Variants in DNAH8 observed in about 807,000 individuals in gnomAD.
DNAH8 encodes the protein dynein axonemal heavy chain 8, also known as axonemal beta dynein heavy chain 8.
DNAH8 carries 382 observed loss-of-function variants against 562.1 expected under a neutral mutation model. The observed-to-expected ratio is 0.68, with a 90% CI of 0.63 to 0.74. The LOEUF is 0.74. Among genes scored for constraint, DNAH8 ranks in the 30% least tolerant of loss-of-function variants. DNAH8 has a pLI of 0.00. For synonymous variants in DNAH8, 1,881 were observed against 1,919.4 expected (o/e 0.98, Z 0.52); for missense variants, 5,203 against 5,620.4 (o/e 0.93, Z 2.37).
chr6:38,886,007 T>C (rs147799925), intron 56 of DNAH8, among the ~76,000 whole-genome samples: 59 of 152,332 alleles, frequency 3.9e-4, no homozygotes, highest in African/African-American at 1.2e-3. Context: ...CGGTTATATT[T>C]GAGGTGCTTG....
intron 58 of DNAH8, among the ~76,000 whole-genome samples, chr6:38,894,282 C>G (rs1257411687): frequency 1.3e-5 from 2 of 152,186 alleles, no homozygotes; most frequent in Non-Finnish European, 1.5e-5. Context: ...TAAAGGTGAA[C>G]ATTCGTTGTT....
chr6:38,793,509 G>A (rs12527204), intron 21 of DNAH8, among the ~76,000 whole-genome samples: 23,180 of 151,694 alleles, frequency 0.15, 1,986 homozygotes, highest in Admixed American at 0.24. Context: ...TATGACTTTC[G>A]TCCTTTTTGG....
Position 38,935,710 on chromosome 6 carries a change from T to TTCATTACTTCTTAATAACAC in DNAH8, c.11563+13_11563+14insTCATTACTTCTTAATAACAC. On this transcript the variant is annotated intron_variant, in intron 77 of 92. Coordinates refer to ENST00000327475, the MANE Select transcript of DNAH8 (RefSeq NM_001206927.2). ...AGTGCTACAAAAGGTATTGTGTTAT[T>TTCATTACTTCTTAATAACAC]AAGAAGTAATGAAATAACGGATTCT... 1 of 1,552,962 alleles carries TTCATTACTTCTTAATAACAC rather than the reference T, an allele frequency of 6.4e-7. No homozygotes were observed. Among genetic ancestry groups the TTCATTACTTCTTAATAACAC allele is most frequent in the Non-Finnish European group, 8.8e-7 (1 of 1,130,928 alleles).
intron 26 of DNAH8, among the ~76,000 whole-genome samples, chr6:38,821,115 A>C (rs1738214): frequency 0.21 from 31,531 of 151,976 alleles, 4,024 homozygotes; most frequent in African/African-American, 0.35. Flanking sequence ...CACACACACA[A>C]AAAAACCCCA....
At chr6:39,004,826 T>C (rs548206264) in intron 88 of DNAH8, among the ~76,000 whole-genome samples, 18 of 152,334 alleles carry the variant, frequency 1.2e-4, no homozygotes, top group African/African-American at 4.3e-4. Flanking sequence ...TAACATAATG[T>C]TTTTGAAGTT....
intron 1 of DNAH8, among the ~76,000 whole-genome samples, chr6:38,715,954 A>ATTTTTTT (rs1410399802): frequency 1.1e-4 from 4 of 37,520 alleles, no homozygotes; most frequent in East Asian, 6.7e-4. Context: ...ATATATATAT[A>ATTTTTTT]TATATATTTT....
rs1316338331 is a variant in DNAH8 at position 38,921,468 on chromosome 6, G to A, written c.10624G>A (p.Val3542Ile). Residue 3542 changes from valine to isoleucine, a missense_variant, in exon 71 of 93, where the codon GTA becomes ATA. Physicochemically the swap from Val to Ile is conservative, Grantham distance 29. This residue lies in a region of DNAH8 where 1,399 missense variants were observed against 1,518.4 expected (regional missense o/e 0.92). Coordinates refer to ENST00000327475, the MANE Select transcript of DNAH8 (RefSeq NM_001206927.2). ...TGAGAAGCAAGCTGAGCTGGATAAA[G>A]TACAGGCAAAATTTGATGCAGCAAT... is the stretch of plus-strand genomic sequence containing the variant. ...LDEKQAELDK[V>I]QAKFDAAMNE... is the part of the protein sequence containing the mutation. 6.2e-7 allele frequency: 1 copy of A among 1,613,606 alleles called. No individual in the cohort carries two copies. Among genetic ancestry groups the A allele is most frequent in the Non-Finnish European group, 8.5e-7 (1 of 1,179,776 alleles).
At chr6:39,008,224 A>G (rs1167925609) in intron 88 of DNAH8, among the ~76,000 whole-genome samples, 1 of 152,098 alleles carries the variant, frequency 6.6e-6, no homozygotes, top group Non-Finnish European at 1.5e-5. Flanking sequence ...AGTGCCTGGT[A>G]CATGGTAAAT....
rs536433281 is a variant in DNAH8 at position 38,777,881 on chromosome 6, T to G, written c.1963-507T>G. Among the ~76,000 whole-genome samples the G allele has an allele frequency of 5.9e-5, 9 of 152,326 alleles. No homozygotes were observed. In the South Asian group the frequency reaches 1.7e-3, roughly 28 times the overall value. Reference sequence around the variant, plus strand: ...ACACTACTCTACCTGAAGTTCTATATATCCCAAAGAAAAATGCTTGTAAGG... The same window carrying G: ...ACACTACTCTACCTGAAGTTCTATAGATCCCAAAGAAAAATGCTTGTAAGG... On this transcript the variant is annotated intron_variant, in intron 13 of 92. Transcript: ENST00000327475.
chr6:38,929,224 CTT>C (rs1248896623), intron 74 of DNAH8: 10 of 232,774 alleles, frequency 4.3e-5, no homozygotes, highest in Non-Finnish European at 6.6e-5. Flanking sequence ...TGACTATTCT[CTT>C]CCATCTGTCA....
intron 88 of DNAH8, among the ~76,000 whole-genome samples, chr6:39,003,104 T>C (rs780711987): frequency 2.0e-5 from 3 of 152,194 alleles, no homozygotes; most frequent in Non-Finnish European, 4.4e-5. Flanking sequence ...CGCAGCTTTT[T>C]CATAAGCAAA....
At chr6:38,787,005 A>T in intron 18 of DNAH8, 53 bp downstream of exon 18, 1 of 1,182,422 alleles carries the variant, frequency 8.5e-7, no homozygotes, top group African/African-American at 1.9e-5. Flanking sequence ...TTGGTAAAAA[A>T]AATATGTATA....
chr6:38,742,773 C>T lies in DNAH8; in HGVS notation c.1293+886C>T, dbSNP rs868402992. 3.4e-5 allele frequency among the ~76,000 whole-genome samples: 5 copies of T among 145,936 alleles called. No homozygotes were observed. The South Asian group carries it at 1.1e-3, about 32-fold the overall frequency. ...CTGAATAGTAAGCACAGAAAGACAACTGCACTTTTCTATTTTATTTTTTCC... is the reference window on the plus strand; with the variant it reads ...CTGAATAGTAAGCACAGAAAGACAATTGCACTTTTCTATTTTATTTTTTCC... On this transcript the variant is annotated intron_variant, in intron 8 of 92. Coordinates refer to ENST00000327475, the MANE Select transcript of DNAH8 (RefSeq NM_001206927.2).
At chr6:38,948,747 T>C (rs1012744684) in intron 80 of DNAH8, among the ~76,000 whole-genome samples, 1 of 152,222 alleles carries the variant, frequency 6.6e-6, no homozygotes, top group African/African-American at 2.4e-5. Context: ...TTGATGGAAC[T>C]TGGGCGTCAG....
chr6:38,845,583 A>G lies in DNAH8; in HGVS notation c.4855A>G (p.Ile1619Val), dbSNP rs370335048. 7.4e-6 allele frequency: 12 copies of G among 1,613,336 alleles called. No individual in the cohort carries two copies. Among genetic ancestry groups the G allele is most frequent in the African/African-American group, 6.7e-5 (5 of 74,904 alleles). ...TGCTTTTCCTTCAAAGGATATTTGC[A>G]TATCTGCCATTAAGGAGAAGGATAT... ...KHKDDIEDIC[I>V]SAIKEKDIEA... Residue 1619 changes from isoleucine to valine, a missense_variant, in exon 36 of 93, where the codon ATA (isoleucine) becomes GTA (valine). Around this residue, in one of 6 missense-constraint regions of DNAH8, gnomAD observed 2,176 missense variants for 2,365.1 expected, o/e 0.92. Coordinates refer to ENST00000327475, the MANE Select transcript of DNAH8 (RefSeq NM_001206927.2).
rs187969112 is a variant in DNAH8 at position 38,913,597 on chromosome 6, T to C, written c.9860-252T>C. On this transcript the variant is annotated intron_variant, in intron 66 of 92. Coordinates refer to ENST00000327475, the MANE Select transcript of DNAH8 (RefSeq NM_001206927.2). Reference sequence around the variant, plus strand: ...AAACTAATCTTATTCAATAGGACATTGTGACTTTCCCTTAAATGTAGCTAC... The same window carrying C: ...AAACTAATCTTATTCAATAGGACATCGTGACTTTCCCTTAAATGTAGCTAC... 1.2e-3 allele frequency among the ~76,000 whole-genome samples: 187 copies of C among 152,314 alleles called. No homozygotes were observed. In the Middle Eastern group the frequency reaches 0.017, roughly 14 times the overall value.
At chr6:38,919,236 T>G (rs1376958728) in intron 70 of DNAH8, among the ~76,000 whole-genome samples, 1 of 152,180 alleles carries the variant, frequency 6.6e-6, no homozygotes, top group Non-Finnish European at 1.5e-5. Context: ...CATTAGTATT[T>G]TCAGTGGAAA....
chr6:38,866,503 A>C, intron 45 of DNAH8, 88 bp from the exon 46 acceptor site: 1 of 930,730 alleles, frequency 1.1e-6, no homozygotes, highest in South Asian at 1.8e-5. Context: ...TACCATCTTA[A>C]AATCTGAATT....
intron 82 of DNAH8, among the ~76,000 whole-genome samples, chr6:38,958,625 A>G (rs957148963): frequency 5.6e-5 from 8 of 141,714 alleles, no homozygotes; most frequent in African/African-American, 2.1e-4. Flanking sequence ...ATGAGATTGA[A>G]TCAGTGATTA....
Sources: gnomAD v4.1 joint callset for allele counts (sites outside exome capture counted in the v4.1 genomes callset) on GRCh38, gnomAD v4.1.1 for gene constraint, gnomAD v4.1.1 regional missense constraint, MANE v1.5 for transcripts, NCBI Gene and HGNC (gene_info 2026-07-23, HGNC 2026-07-21) for gene names.